Variants in SNX24 observed in about 807,000 individuals in gnomAD.
SNX24 encodes sorting nexin-24.
SNX24 carries 22 observed loss-of-function variants against 28.7 expected under a neutral mutation model. The observed-to-expected ratio is 0.77, with a 90% CI of 0.55 to 1.10. The LOEUF (loss-of-function observed/expected upper bound fraction) is 1.10, where lower values mean the gene tolerates loss of function less well. Ranked by LOEUF, SNX24 falls within the 50% of genes least tolerant of loss-of-function variation. The pLI, the probability that SNX24 is intolerant of heterozygous loss-of-function variation, is 0.00. For synonymous variants in SNX24, 69 were observed against 71.5 expected, an observed-to-expected ratio of 0.96 and a Z score of 0.18; for missense variants, 221 against 201.1, an observed-to-expected ratio of 1.10 and a Z score of -0.60.
chr5:122,873,789 G>T (rs1756094819), intron 1 of SNX24, among the ~76,000 whole-genome samples: 1 of 142,298 alleles, frequency 7.0e-6, no homozygotes, highest in Admixed American at 7.1e-5. Context: ...TTTTGAGATG[G>T]AGTTTCACTC....
chr5:123,017,762 C>G (rs967380446), intron 5 of SNX24, among the ~76,000 whole-genome samples: 1 of 152,158 alleles, frequency 6.6e-6, no homozygotes, highest in South Asian at 2.1e-4. Flanking sequence ...TTCCCTGCAT[C>G]AGCTCTCTTC....
At chr5:122,965,923 A>G (rs148182637) in intron 3 of SNX24, among the ~76,000 whole-genome samples, 24 of 152,344 alleles carry the variant, frequency 1.6e-4, no homozygotes, top group South Asian at 4.1e-4. Context: ...ATGGAGAGCA[A>G]TTAGTTCTAG....
At chr5:122,925,217 C>T (rs1433096977) in intron 1 of SNX24, among the ~76,000 whole-genome samples, 22 of 99,254 alleles carry the variant, frequency 2.2e-4, no homozygotes, top group African/African-American at 4.7e-4. Flanking sequence ...TTTCCTTCCC[C>T]TCCCCCTTCC....
rs575122019 is a variant in SNX24 at position 122,947,324 on chromosome 5, A to G, written c.249+1165A>G. ...CTGTCCCTGAACCACTAGTGATGAG[A>G]AGATGAGGGGAGGCTGACTCCTCAG... On this transcript the variant is annotated intron_variant, in intron 3 of 6. Coordinates refer to ENST00000261369, the MANE Select transcript of SNX24 (RefSeq NM_014035.4). Among the ~76,000 whole-genome samples, 49 of 152,122 alleles carry G rather than the reference A, an allele frequency of 3.2e-4. No homozygotes were observed. In the South Asian group the frequency reaches 0.01, roughly 32 times the overall value.
At chr5:122,935,121 A>G (rs1759126645) in intron 1 of SNX24, among the ~76,000 whole-genome samples, 1 of 152,354 alleles carries the variant, frequency 6.6e-6, no homozygotes, top group Non-Finnish European at 1.5e-5. Flanking sequence ...GCCTCAAACA[A>G]TAAGACCCAG....
chr5:122,858,536 G>C (rs1250783412), intron 1 of SNX24, among the ~76,000 whole-genome samples: 5 of 152,184 alleles, frequency 3.3e-5, no homozygotes, highest in African/African-American at 1.2e-4. Context: ...TAAATTTCTA[G>C]CAGTGGTTAC....
Position 122,845,701 on chromosome 5 carries a change from CG to C in SNX24, c.60+11del. Reference sequence around the variant, plus strand: ...CTGGAGCGGGGATACACGGTAGGCGCGGGCCGCGGGCGGACAGGGCCCCGCG... The same window carrying C: ...CTGGAGCGGGGATACACGGTAGGCGCGGCCGCGGGCGGACAGGGCCCCGCG... On this transcript the variant is annotated intron_variant, in intron 1 of 6. Coordinates refer to ENST00000261369, the MANE Select transcript of SNX24 (RefSeq NM_014035.4). 1 of 1,376,902 alleles carries C rather than the reference CG, an allele frequency of 7.3e-7. No individual in the cohort carries two copies. The highest frequency in any genetic ancestry group is 1.5e-5 in the African/African-American group (1 of 67,578). The allele number at this position is 1,376,902 out of a possible 1,614,324, so 85.3% of individuals were successfully genotyped here.
intron 3 of SNX24, among the ~76,000 whole-genome samples, chr5:122,953,088 TCC>T (rs1438668713): frequency 2.6e-4 from 40 of 151,814 alleles, no homozygotes; most frequent in Non-Finnish European, 5.3e-4. Flanking sequence ...CTTTTTTCCT[TCC>T]CTTTCCTTTC....
At chr5:122,919,717 T>G (rs1167284352) in intron 1 of SNX24, among the ~76,000 whole-genome samples, 1 of 152,200 alleles carries the variant, frequency 6.6e-6, no homozygotes, top group Non-Finnish European at 1.5e-5. Context: ...CTTATTCACC[T>G]GTCAGAGAGA....
chr5:122,892,802 T>A (rs528234785), intron 1 of SNX24, among the ~76,000 whole-genome samples: 2 of 151,992 alleles, frequency 1.3e-5, no homozygotes, highest in East Asian at 3.9e-4. Flanking sequence ...GGAGTCTCAC[T>A]CTGTCACCCA....
intron 1 of SNX24, among the ~76,000 whole-genome samples, chr5:122,868,061 C>G (rs935072552): frequency 6.6e-6 from 1 of 152,218 alleles, no homozygotes; most frequent in East Asian, 1.9e-4. Flanking sequence ...CTGTGCACTT[C>G]CAGTTAATAC....
chr5:122,886,394 A>G (rs554961928), intron 1 of SNX24, among the ~76,000 whole-genome samples: 1 of 152,260 alleles, frequency 6.6e-6, no homozygotes, highest in East Asian at 1.9e-4. Context: ...CTCTTCTATT[A>G]GGTGGATAGT....
intron 1 of SNX24, among the ~76,000 whole-genome samples, chr5:122,850,536 A>G (rs1035733916): frequency 5.9e-5 from 9 of 152,160 alleles, no homozygotes. Flanking sequence ...TAGAACTAAG[A>G]CTTTAGCGTT....
intron 5 of SNX24, among the ~76,000 whole-genome samples, chr5:123,015,939 A>C (rs1008148547): frequency 2.0e-5 from 3 of 152,112 alleles, no homozygotes; most frequent in African/African-American, 7.2e-5. Context: ...GACTGGACAA[A>C]ATAAGTAAGG....
At chr5:123,002,211 A>C in intron 6 of SNX24, 1 of 583,034 alleles carries the variant, frequency 1.7e-6, no homozygotes, top group Non-Finnish European at 3.1e-6. Flanking sequence ...TTTCTCTCTT[A>C]CCAGACTATT....
intron 3 of SNX24, among the ~76,000 whole-genome samples, chr5:122,999,057 G>A (rs1028809214): frequency 6.6e-6 from 1 of 151,632 alleles, no homozygotes; most frequent in Admixed American, 6.6e-5. Flanking sequence ...AGAAGAGGGG[G>A]AGGGGGAGGG....
At chr5:122,928,078 A>G (rs372854) in intron 1 of SNX24, among the ~76,000 whole-genome samples, 108,678 of 152,106 alleles carry the variant, frequency 0.71, 39,529 homozygotes, top group East Asian at 0.99. Flanking sequence ...TGCAGTCATC[A>G]GCTTATCCTG....
At chr5:122,847,328 A>G (rs1375015819) in intron 1 of SNX24, among the ~76,000 whole-genome samples, 1 of 152,118 alleles carries the variant, frequency 6.6e-6, no homozygotes, top group Non-Finnish European at 1.5e-5. Flanking sequence ...ATGACCAGGC[A>G]TGTGCCACAC....
At chr5:122,957,556 A>G (rs1310438026) in intron 3 of SNX24, among the ~76,000 whole-genome samples, 1 of 152,202 alleles carries the variant, frequency 6.6e-6, no homozygotes, top group Non-Finnish European at 1.5e-5. Flanking sequence ...CTGCAAAAAT[A>G]AAAAAACTTC....
Sources: allele counts gnomAD v4.1 joint callset (sites outside exome capture counted in the v4.1 genomes callset), GRCh38; gene constraint gnomAD v4.1.1; transcripts MANE v1.5; gene names NCBI Gene and HGNC (gene_info 2026-07-23, HGNC 2026-07-21).